Variants in KIRREL3 observed in about 807,000 individuals in gnomAD.
KIRREL3 encodes kirre like nephrin family adhesion molecule 3, also known as kin of IRRE-like protein 3.
Under a neutral mutation model 89.7 loss-of-function variants are expected in KIRREL3, and 36 were observed. That is an observed-to-expected ratio of 0.40 (90% CI 0.31 to 0.53). The LOEUF is 0.53. Among genes scored for constraint, KIRREL3 ranks in the 20% least tolerant of loss-of-function variants. KIRREL3 has a pLI of 0.49. For missense variants in KIRREL3, 864 were observed against 1,056.6 expected (o/e 0.82, Z 2.53); for synonymous variants, 445 against 441.4 (o/e 1.01, Z -0.10).
Position 126,620,445 on chromosome 11 carries a change from T to C in KIRREL3, c.56-57533A>G, listed in dbSNP as rs1463340317. 6.6e-6 allele frequency among the ~76,000 whole-genome samples: 1 copy of C among 152,204 alleles called. No homozygotes were observed. Among genetic ancestry groups the C allele is most frequent in the Non-Finnish European group, 1.5e-5 (1 of 68,034 alleles). On this transcript the variant is annotated intron_variant, in intron 1 of 16. Coordinates refer to ENST00000525144, the MANE Select transcript of KIRREL3 (RefSeq NM_032531.4). The surrounding 1 kb of genome is among the most constrained non-coding windows in gnomAD (Gnocchi z 4.8). ...AATGAAAAGTATTAGACTAAGTCTT[T>C]GTTGAGTAGTAATTCTTAATGTGAG...
chr11:126,872,914 T>A lies in KIRREL3; in HGVS notation c.55+127541A>T, dbSNP rs947106745. 6.6e-6 allele frequency among the ~76,000 whole-genome samples: 1 copy of A among 152,186 alleles called. No individual in the cohort carries two copies. Among genetic ancestry groups the A allele is most frequent in the Non-Finnish European group, 1.5e-5 (1 of 68,034 alleles). On this transcript the variant is annotated intron_variant, in intron 1 of 16. Coordinates refer to ENST00000525144, the MANE Select transcript of KIRREL3 (RefSeq NM_032531.4). The surrounding 1 kb of genome is among the most constrained non-coding windows in gnomAD (Gnocchi z 4.2). Reference sequence around the variant, plus strand: ...CTGTTCACCAGCTGTGCCGAGTTACTACACAGCCTGGAGGTCAAGTCCTTC... The same window carrying A: ...CTGTTCACCAGCTGTGCCGAGTTACAACACAGCCTGGAGGTCAAGTCCTTC...
chr11:126,581,463 A>T (rs1941550336), intron 1 of KIRREL3, among the ~76,000 whole-genome samples: 1 of 152,122 alleles, frequency 6.6e-6, no homozygotes, highest in Non-Finnish European at 1.5e-5. Flanking sequence ...CAGCCTCCCA[A>T]AGTGCTGGGA....
In KIRREL3 at chr11:126,694,327, C is replaced by T. The variant is rs1194455187; in HGVS notation, c.56-131415G>A. Among the ~76,000 whole-genome samples, 1 of 152,212 alleles carries T rather than the reference C, an allele frequency of 6.6e-6. No individual in the cohort carries two copies. Among genetic ancestry groups the T allele is most frequent in the South Asian group, 2.1e-4 (1 of 4,834 alleles). The stretch of plus-strand genomic sequence containing the variant: ...ATGGGAATCTATTTAAAGTGAATTG[C>T]ACTTTTCCATTGTATCCTAGTGAGC... On this transcript the variant is annotated intron_variant, in intron 1 of 16. Transcript: ENST00000525144. This position sits in a 1 kb window ranked among gnomAD's most constrained non-coding sequence, Gnocchi z 4.4.
At position 126,812,449 on chromosome 11, in the gene KIRREL3, C is replaced by T. The variant is rs556604955; in HGVS notation, c.55+188006G>A. Among the ~76,000 whole-genome samples, 1 of 152,178 alleles carries T rather than the reference C, an allele frequency of 6.6e-6. No individual in the cohort carries two copies. The highest frequency in any genetic ancestry group is 1.5e-5 in the Non-Finnish European group (1 of 68,034). ...ACCACTCCACAATTAATATTGTCCA[C>T]TGAACAGAATGGTGAACCCTGAGCA... On this transcript the variant is annotated intron_variant, in intron 1 of 16. Transcript: ENST00000525144. The surrounding 1 kb of genome is among the most constrained non-coding windows in gnomAD (Gnocchi z 5.2).
chr11:126,671,055 T>C (rs1253688413), intron 1 of KIRREL3, among the ~76,000 whole-genome samples: 1 of 152,090 alleles, frequency 6.6e-6, no homozygotes, highest in Non-Finnish European at 1.5e-5. Context: ...TTTCAACAAA[T>C]GGTGGAGGAA....
chr11:126,950,912 T>C, intron 1 of KIRREL3, among the ~76,000 whole-genome samples: 1 of 152,224 alleles, frequency 6.6e-6, no homozygotes, highest in East Asian at 1.9e-4. Context: ...ACAACCCAGT[T>C]AGAGAGATTA....
At chr11:126,506,027 T>C (rs191833637) in intron 4 of KIRREL3, among the ~76,000 whole-genome samples, 1 of 152,332 alleles carries the variant, frequency 6.6e-6, no homozygotes, top group East Asian at 1.9e-4. Context: ...TGGGAAAGGA[T>C]AGTCTTTTTA....
In KIRREL3 at chr11:126,689,694, A is replaced by T. The variant is rs1246553242; in HGVS notation, c.56-126782T>A. Among the ~76,000 whole-genome samples, 3 of 152,226 alleles carry T rather than the reference A, an allele frequency of 2.0e-5. No homozygotes were observed. The highest frequency in any genetic ancestry group is 1.5e-5 in the Non-Finnish European group (1 of 68,038). The stretch of plus-strand genomic sequence containing the variant: ...CTGGCTTTTACGCAGTTTCGCTTCA[A>T]GTCAGTGCAACTAGCTACCTGTCTT... On this transcript the variant is annotated intron_variant, in intron 1 of 16. Transcript: ENST00000525144. The surrounding 1 kb of genome is among the most constrained non-coding windows in gnomAD (Gnocchi z 5.2).
intron 1 of KIRREL3, among the ~76,000 whole-genome samples, chr11:126,819,950 G>A (rs1022312913): frequency 3.3e-5 from 5 of 152,114 alleles, no homozygotes; most frequent in East Asian, 3.9e-4. Flanking sequence ...ACTTGATTAC[G>A]GCTAATTAGG....
chr11:126,713,851 C>T (rs968442910), intron 1 of KIRREL3, among the ~76,000 whole-genome samples: 3 of 151,960 alleles, frequency 2.0e-5, no homozygotes, highest in Non-Finnish European at 2.9e-5. Context: ...GTGGGGAGCA[C>T]GGAACAGCAT....
Position 126,791,685 on chromosome 11 carries a change from G to A in KIRREL3, c.55+208770C>T, listed in dbSNP as rs1950645092. ...CCAGGGGCCCAGATTCCCATGGCCAGGCCAGGTGTGAATGAGTCTGAGCCC... is the reference window on the plus strand; with the variant it reads ...CCAGGGGCCCAGATTCCCATGGCCAAGCCAGGTGTGAATGAGTCTGAGCCC... On this transcript the variant is annotated intron_variant, in intron 1 of 16. Transcript: ENST00000525144. This position sits in a 1 kb window ranked among gnomAD's most constrained non-coding sequence, Gnocchi z 4.8. Among the ~76,000 whole-genome samples, 1 of 152,220 alleles carries A rather than the reference G, an allele frequency of 6.6e-6. No individual in the cohort carries two copies. The highest frequency in any genetic ancestry group is 2.4e-5 in the African/African-American group (1 of 41,454).
At chr11:126,567,691 G>A (rs1176871356) in intron 1 of KIRREL3, among the ~76,000 whole-genome samples, 1 of 152,214 alleles carries the variant, frequency 6.6e-6, no homozygotes, top group Non-Finnish European at 1.5e-5. Flanking sequence ...AAGAGGGAAG[G>A]TGGGGAGAGA....
chr11:126,518,725 C>T (rs1431362097), intron 4 of KIRREL3, among the ~76,000 whole-genome samples: 1 of 152,220 alleles, frequency 6.6e-6, no homozygotes, highest in Non-Finnish European at 1.5e-5. Context: ...GCCACTCTCT[C>T]CATTCCCCTT....
chr11:126,597,361 C>A (rs1343917117), intron 1 of KIRREL3, among the ~76,000 whole-genome samples: 1 of 152,246 alleles, frequency 6.6e-6, no homozygotes, highest in Non-Finnish European at 1.5e-5. Context: ...ACAGGACCAT[C>A]TGAATTAAGT....
rs1411951299 is a variant in KIRREL3 at position 126,904,500 on chromosome 11, T to C, written c.55+95955A>G. On this transcript the variant is annotated intron_variant, in intron 1 of 16. Coordinates refer to ENST00000525144, the MANE Select transcript of KIRREL3 (RefSeq NM_032531.4). The surrounding 1 kb of genome is among the most constrained non-coding windows in gnomAD (Gnocchi z 4.4). ...ATTTGGTCAGAAAATCTTTTATGAA[T>C]TAGAAGTCATTCCTAATAACATTTC... is the stretch of plus-strand genomic sequence containing the variant. 1.3e-5 allele frequency among the ~76,000 whole-genome samples: 2 copies of C among 152,228 alleles called. No individual in the cohort carries two copies. Among genetic ancestry groups the C allele is most frequent in the Non-Finnish European group, 2.9e-5 (2 of 68,046 alleles).
rs1475835700 is a variant in KIRREL3, at chr11:126,816,504, CT to C, written c.55+183950del. 2.6e-5 allele frequency among the ~76,000 whole-genome samples: 4 copies of C among 152,304 alleles called. No individual in the cohort carries two copies. In the East Asian group the frequency reaches 7.7e-4, roughly 29 times the overall value. On this transcript the variant is annotated intron_variant, in intron 1 of 16. Coordinates refer to ENST00000525144, the MANE Select transcript of KIRREL3 (RefSeq NM_032531.4). ...GCCTCAATTCTGAATTATGTTACAA[CT>C]GCTTAGAATTTTAAAGTTAGAGACC... is the stretch of plus-strand genomic sequence containing the variant.
rs569962928 is a variant in KIRREL3, at chr11:126,585,357, C to T, written c.56-22445G>A. On this transcript the variant is annotated intron_variant, in intron 1 of 16. Transcript: ENST00000525144. ...CAAGTGATTCTTTTGCCACAGCCTC[C>T]CCAGTAGCTGGGATTACTGGCACTC... Among the ~76,000 whole-genome samples, 532 of 150,624 alleles carry T rather than the reference C, an allele frequency of 3.5e-3. 6 individuals carry two copies. The highest frequency in any genetic ancestry group is 0.012 in the African/African-American group (505 of 40,868).
chr11:126,860,891 C>G lies in KIRREL3; in HGVS notation c.55+139564G>C, dbSNP rs1417391591. Among the ~76,000 whole-genome samples, 1 of 152,162 alleles carries G rather than the reference C, an allele frequency of 6.6e-6. No homozygotes were observed. The highest frequency in any genetic ancestry group is 2.4e-5 in the African/African-American group (1 of 41,436). ...CTTCTCGCAGTTTCAGAAATACTAC[C>G]TCCTTTGTACCACTCTTGGTACGTG... On this transcript the variant is annotated intron_variant, in intron 1 of 16. Coordinates refer to ENST00000525144, the MANE Select transcript of KIRREL3 (RefSeq NM_032531.4). This position sits in a 1 kb window ranked among gnomAD's most constrained non-coding sequence, Gnocchi z 4.6.
intron 1 of KIRREL3, among the ~76,000 whole-genome samples, chr11:126,603,032 CT>C (rs1942731593): frequency 6.6e-6 from 1 of 152,054 alleles, no homozygotes; most frequent in Non-Finnish European, 1.5e-5. Flanking sequence ...CCAAGGAACC[CT>C]AGAACATGCT....
Sources: gnomAD v4.1 joint callset for allele counts (sites outside exome capture counted in the v4.1 genomes callset) on GRCh38, gnomAD v4.1.1 for gene constraint, Gnocchi (gnomAD v3.1) non-coding constraint, MANE v1.5 for transcripts, NCBI Gene and HGNC (gene_info 2026-07-23, HGNC 2026-07-21) for gene names.